OTUD7A: variants seen among roughly 807,000 people sequenced by gnomAD.
The protein encoded by OTUD7A is OTU domain-containing protein 7A.
Under a neutral mutation model 65.7 loss-of-function variants are expected in OTUD7A, and 12 were observed. That is an observed-to-expected ratio of 0.18 (90% CI 0.12 to 0.30). OTUD7A has a LOEUF of 0.30. Ranked by LOEUF, OTUD7A falls within the 10% of genes least tolerant of loss-of-function variation. The pLI is 1.00. For synonymous variants in OTUD7A, 641 were observed against 586.3 expected, an observed-to-expected ratio of 1.09 and a Z score of -1.35; for missense variants, 1,148 against 1,304.8, an observed-to-expected ratio of 0.88 and a Z score of 1.85.
intron 1 of OTUD7A, among the ~76,000 whole-genome samples, chr15:31,718,770 T>G (rs933535120): frequency 6.8e-6 from 1 of 147,578 alleles, no homozygotes; most frequent in African/African-American, 2.5e-5. Flanking sequence ...ATTGTTATCA[T>G]GGACTGTGCA....
Position 31,703,961 on chromosome 15 carries a change from C to G in OTUD7A, c.-99-46884G>C, listed in dbSNP as rs1157331120. 2.9e-5 allele frequency among the ~76,000 whole-genome samples: 4 copies of G among 139,710 alleles called. 1 individual carries two copies. The highest frequency in any genetic ancestry group is 5.0e-5 in the African/African-American group (2 of 39,840). The allele number at this position is 139,710 out of a possible 152,430, so 91.7% of individuals were successfully genotyped here. On this transcript the variant is annotated intron_variant, in intron 1 of 12. Transcript: ENST00000307050. ...ATTATTCCAAGTAAAAAAAAATCCC[C>G]AAATTACATATTATATGATTCCATT... is the stretch of plus-strand genomic sequence containing the variant.
At chr15:31,691,064 T>C (rs1435673671) in intron 1 of OTUD7A, among the ~76,000 whole-genome samples, 1 of 152,170 alleles carries the variant, frequency 6.6e-6, no homozygotes. Flanking sequence ...CCATAACATA[T>C]ACAGAACCCC....
At chr15:31,557,180 C>A (rs893215983) in intron 5 of OTUD7A, 4 of 152,268 alleles carry the variant, frequency 2.6e-5, no homozygotes, top group African/African-American at 9.6e-5. Context: ...ATAAGCCCCA[C>A]TAGGCACATC....
chr15:31,866,413 C>T (rs535510976), intron 1 of OTUD7A, among the ~76,000 whole-genome samples: 2 of 152,188 alleles, frequency 1.3e-5, no homozygotes, highest in Non-Finnish European at 2.9e-5. Flanking sequence ...AATAAGGCAG[C>T]GTCCGGCCCT....
chr15:31,739,706 C>T (rs760464322), intron 1 of OTUD7A, among the ~76,000 whole-genome samples: 1 of 152,078 alleles, frequency 6.6e-6, no homozygotes, highest in Non-Finnish European at 1.5e-5. Flanking sequence ...GATTCTTGTG[C>T]CTCAGCCACC....
intron 1 of OTUD7A, among the ~76,000 whole-genome samples, chr15:31,663,021 C>T (rs1052199174): frequency 6.6e-6 from 1 of 151,558 alleles, no homozygotes; most frequent in Non-Finnish European, 1.5e-5. Context: ...TTTCCAGATA[C>T]ACAATCATAT....
At chr15:31,621,646 A>T (rs1450896697) in intron 3 of OTUD7A, among the ~76,000 whole-genome samples, 1 of 150,924 alleles carries the variant, frequency 6.6e-6, no homozygotes, top group Non-Finnish European at 1.5e-5. Context: ...CTTTATTTTG[A>T]GCCTATTTGT....
At chr15:31,678,554 G>T (rs1290841501) in intron 1 of OTUD7A, among the ~76,000 whole-genome samples, 4 of 152,192 alleles carry the variant, frequency 2.6e-5, no homozygotes, top group Admixed American at 6.5e-5. Context: ...TGTCCCAGCT[G>T]TGGCTAAAAC....
intron 8 of OTUD7A, among the ~76,000 whole-genome samples, chr15:31,512,059 C>A (rs1255940022): frequency 1.3e-5 from 2 of 152,184 alleles, no homozygotes; most frequent in African/African-American, 2.4e-5. Flanking sequence ...ACTGCCCCTG[C>A]AGTTTCTCTC....
intron 3 of OTUD7A, among the ~76,000 whole-genome samples, chr15:31,645,680 C>T (rs2141266685): frequency 6.6e-6 from 1 of 152,204 alleles, no homozygotes; most frequent in South Asian, 2.1e-4. Flanking sequence ...TATAATTTTT[C>T]TTTTTTAGTT....
At chr15:31,624,318 T>C (rs1215618709) in intron 3 of OTUD7A, among the ~76,000 whole-genome samples, 2 of 152,234 alleles carry the variant, frequency 1.3e-5, no homozygotes, top group African/African-American at 2.4e-5. Flanking sequence ...AGCTGCAAGA[T>C]TGCAAGGTAA....
At chr15:31,869,070 G>A (rs183294950) in intron 1 of OTUD7A, among the ~76,000 whole-genome samples, 1 of 152,164 alleles carries the variant, frequency 6.6e-6, no homozygotes, top group Non-Finnish European at 1.5e-5. Flanking sequence ...GATATGATAG[G>A]CTTGAGTAGA....
intron 3 of OTUD7A, among the ~76,000 whole-genome samples, chr15:31,587,698 G>A (rs556896542): frequency 3.9e-5 from 6 of 152,006 alleles, no homozygotes; most frequent in African/African-American, 1.4e-4. Flanking sequence ...GAAACCCCAG[G>A]GACTTTCAAT....
chr15:31,685,528 G>A (rs557944835), intron 1 of OTUD7A, among the ~76,000 whole-genome samples: 3 of 152,046 alleles, frequency 2.0e-5, no homozygotes, highest in Admixed American at 6.5e-5. Context: ...GCGTGGTGGC[G>A]GGCGCCTGTA....
At chr15:31,582,833 G>C (rs1374719329) in intron 3 of OTUD7A, among the ~76,000 whole-genome samples, 1 of 152,170 alleles carries the variant, frequency 6.6e-6, no homozygotes, top group African/African-American at 2.4e-5. Context: ...GTGGAGGGTT[G>C]GAGAGGTAAT....
chr15:31,526,883 A>G (rs146979078), intron 7 of OTUD7A, among the ~76,000 whole-genome samples: 1 of 152,280 alleles, frequency 6.6e-6, no homozygotes, highest in East Asian at 1.9e-4. Flanking sequence ...AGGCAGTCAT[A>G]TATATAATTC....
At chr15:31,633,335 C>A (rs1209239040) in intron 3 of OTUD7A, among the ~76,000 whole-genome samples, 1 of 152,172 alleles carries the variant, frequency 6.6e-6, no homozygotes, top group Non-Finnish European at 1.5e-5. Flanking sequence ...CATTAGAGAT[C>A]ATTCCTATGG....
chr15:31,482,129 A>G lies in OTUD7A; in HGVS notation c.*1165T>C, dbSNP rs2041131050. ...AGGACACATTTTTTTTTTCCTCAAGAAATGTAGGAGGCACCAAAAAAGAGA... is the reference window on the plus strand; with the variant it reads ...AGGACACATTTTTTTTTTCCTCAAGGAATGTAGGAGGCACCAAAAAAGAGA... On this transcript the variant is annotated 3_prime_UTR_variant, in exon 13 of 13. Coordinates refer to ENST00000307050, the MANE Select transcript of OTUD7A (RefSeq NM_001382637.1). 6.6e-6 allele frequency: 1 copy of G among 151,994 alleles called. No homozygotes were observed. Among genetic ancestry groups the G allele is most frequent in the African/African-American group, 2.4e-5 (1 of 41,380 alleles). 9.4% of individuals were successfully genotyped at this position (151,994 alleles called of 1,614,324 possible).
chr15:31,518,987 TAGGCTCTGAA>T (rs1416098467), intron 8 of OTUD7A, among the ~76,000 whole-genome samples: 4 of 152,236 alleles, frequency 2.6e-5, no homozygotes, highest in African/African-American at 7.2e-5. Flanking sequence ...GAATGGATCT[TAGGCTCTGAA>T]AGACCTTCTA....
Sources: gnomAD v4.1 joint callset for allele counts (sites outside exome capture counted in the v4.1 genomes callset) on GRCh38, gnomAD v4.1.1 for gene constraint, MANE v1.5 for transcripts, NCBI Gene and HGNC (gene_info 2026-07-23, HGNC 2026-07-21) for gene names.